TAFA5: variants seen among roughly 807,000 people sequenced by gnomAD.
The protein encoded by TAFA5 is chemokine-like protein TAFA-5.
A neutral mutation model predicts 15.3 loss-of-function variants in TAFA5; 6 were observed. The ratio of observed to expected loss-of-function variants is 0.39; its 90% CI spans 0.21 to 0.77. TAFA5 has a LOEUF of 0.77. Among genes scored for constraint, TAFA5 ranks in the 30% least tolerant of loss-of-function variants. The pLI is 0.41. For synonymous variants in TAFA5, 103 were observed against 80.7 expected, an observed-to-expected ratio of 1.28 and a Z score of -1.48; for missense variants, 161 against 193.1, an observed-to-expected ratio of 0.83 and a Z score of 0.98.
chr22:48,663,228 A>C (rs982639607), intron 2 of TAFA5, among the ~76,000 whole-genome samples: 11 of 152,180 alleles, frequency 7.2e-5, no homozygotes, highest in African/African-American at 2.7e-4. Context: ...GGATATTTCT[A>C]ATCTGAGTTA....
Position 48,586,109 on chromosome 22 carries a change from A to G in TAFA5, c.113-60488A>G, listed in dbSNP as rs1924350099. Among the ~76,000 whole-genome samples, 4 of 152,240 alleles carry G rather than the reference A, an allele frequency of 2.6e-5. No individual in the cohort carries two copies. The South Asian group carries it at 8.3e-4, about 31-fold the overall frequency. On this transcript the variant is annotated intron_variant, in intron 1 of 3. Transcript: ENST00000402357. The stretch of plus-strand genomic sequence containing the variant: ...GCCCTCGCTGGCTGGGCCTCTGCAG[A>G]GGCTTCCTGAGGAGGAAGGTACTGC...
At chr22:48,631,891 G>A (rs917833964) in intron 1 of TAFA5, among the ~76,000 whole-genome samples, 10 of 152,178 alleles carry the variant, frequency 6.6e-5, no homozygotes, top group Middle Eastern at 3.2e-3. Context: ...GGCTGTGAAC[G>A]GGCGATGGGA....
At chr22:48,713,910 A>G (rs1253711318) in intron 3 of TAFA5, among the ~76,000 whole-genome samples, 1 of 152,226 alleles carries the variant, frequency 6.6e-6, no homozygotes, top group Non-Finnish European at 1.5e-5. Flanking sequence ...TGGCCCCACT[A>G]ACAGATCCAT....
At chr22:48,731,644 A>G (rs981922378) in intron 3 of TAFA5, among the ~76,000 whole-genome samples, 2 of 152,226 alleles carry the variant, frequency 1.3e-5, no homozygotes, top group African/African-American at 4.8e-5. Flanking sequence ...CCTGGATGGC[A>G]GCACATCTGT....
intron 2 of TAFA5, among the ~76,000 whole-genome samples, chr22:48,696,218 G>A (rs929026560): frequency 1.2e-4 from 19 of 152,320 alleles, no homozygotes; most frequent in African/African-American, 4.1e-4. Flanking sequence ...CCAGCCACCC[G>A]GGCCTGAGCT....
chr22:48,544,225 G>T (rs541826678), intron 1 of TAFA5: 2 of 186,566 alleles, frequency 1.1e-5, no homozygotes, highest in South Asian at 2.6e-4. Context: ...ACTTCACAGA[G>T]CCCCACCCAG....
At chr22:48,667,046 G>A (rs1237656781) in intron 2 of TAFA5, among the ~76,000 whole-genome samples, 1 of 151,800 alleles carries the variant, frequency 6.6e-6, no homozygotes, top group African/African-American at 2.4e-5. Flanking sequence ...GCCTGGGATT[G>A]AGGGGGAGGA....
intron 2 of TAFA5, among the ~76,000 whole-genome samples, chr22:48,665,031 G>A (rs1927564557): frequency 2.0e-5 from 3 of 152,080 alleles, no homozygotes; most frequent in South Asian, 2.1e-4. Context: ...ATCATGTCAC[G>A]TGCCATCAGC....
intron 2 of TAFA5, among the ~76,000 whole-genome samples, chr22:48,705,689 G>A (rs1053932066): frequency 2.6e-5 from 4 of 152,240 alleles, no homozygotes; most frequent in South Asian, 2.1e-4. Context: ...TTGTCCAAGC[G>A]GTGGCCCTCC....
At chr22:48,719,678 G>T (rs373114825) in intron 3 of TAFA5, among the ~76,000 whole-genome samples, 1 of 152,180 alleles carries the variant, frequency 6.6e-6, no homozygotes, top group East Asian at 1.9e-4. Context: ...CCGGGGACCC[G>T]CACCTAACTA....
At chr22:48,686,698 A>G (rs560586529) in intron 2 of TAFA5, among the ~76,000 whole-genome samples, 1 of 151,344 alleles carries the variant, frequency 6.6e-6, no homozygotes, top group African/African-American at 2.4e-5. Flanking sequence ...TAGAAAGTGG[A>G]TAGGTTGATG....
intron 3 of TAFA5, among the ~76,000 whole-genome samples, chr22:48,749,098 C>T (rs9628533): frequency 0.01 from 1,524 of 152,212 alleles, 27 homozygotes; most frequent in African/African-American, 0.035. Context: ...ACATGGGGAC[C>T]GTGTGAGGAT....
chr22:48,596,723 C>T (rs189711838), intron 1 of TAFA5, among the ~76,000 whole-genome samples: 65 of 115,674 alleles, frequency 5.6e-4, no homozygotes, highest in African/African-American at 2.0e-3. Context: ...ACCCACGTAT[C>T]GTGACGTGCG....
At chr22:48,603,201 C>T (rs998548381) in intron 1 of TAFA5, among the ~76,000 whole-genome samples, 1 of 152,244 alleles carries the variant, frequency 6.6e-6, no homozygotes, top group Non-Finnish European at 1.5e-5. Context: ...TGGGCCCTCT[C>T]CTCCTGTCTC....
chr22:48,716,363 T>C (rs903654436), intron 3 of TAFA5, among the ~76,000 whole-genome samples: 1 of 152,212 alleles, frequency 6.6e-6, no homozygotes, highest in African/African-American at 2.4e-5. Flanking sequence ...TTCATGCCCT[T>C]TGCAGGGACA....
chr22:48,701,916 G>A (rs991726217), intron 2 of TAFA5, among the ~76,000 whole-genome samples: 1 of 152,236 alleles, frequency 6.6e-6, no homozygotes, highest in Non-Finnish European at 1.5e-5. Flanking sequence ...TGCAGCGGCT[G>A]CGTCATCCCG....
intron 1 of TAFA5, among the ~76,000 whole-genome samples, chr22:48,500,237 G>A (rs1489051192): frequency 1.3e-5 from 2 of 152,092 alleles, no homozygotes; most frequent in East Asian, 3.9e-4. Flanking sequence ...GCCCCATAAT[G>A]CAGATGGCAG....
chr22:48,682,188 GA>G (rs1171274873), intron 2 of TAFA5, among the ~76,000 whole-genome samples: 2 of 152,126 alleles, frequency 1.3e-5, no homozygotes, highest in African/African-American at 4.8e-5. Context: ...GGGCTCCCTA[GA>G]CCAGCAGCTG....
intron 1 of TAFA5, among the ~76,000 whole-genome samples, chr22:48,586,608 G>GC (rs770405449): frequency 6.6e-6 from 1 of 152,244 alleles, no homozygotes; most frequent in Non-Finnish European, 1.5e-5. Flanking sequence ...CCACAGGACT[G>GC]CGCTGTCTGG....
Sources: allele counts gnomAD v4.1 joint callset (sites outside exome capture counted in the v4.1 genomes callset), GRCh38; gene constraint gnomAD v4.1.1; transcripts MANE v1.5; gene names NCBI Gene and HGNC (gene_info 2026-07-23, HGNC 2026-07-21).